The following SMAP2 variants were observed in gnomAD, a reference collection of about 807,000 sequenced individuals.
SMAP2 encodes stromal membrane-associated protein 2.
SMAP2 carries 25 observed loss-of-function variants against 56.4 expected under a neutral mutation model. That is an observed-to-expected ratio of 0.44 (90% CI 0.32 to 0.62). SMAP2 has a LOEUF of 0.62. SMAP2 is among the 20% of genes least tolerant of loss of function. The probability of loss-of-function intolerance (pLI) is 0.04; values close to 1 mark genes in which losing one functional copy is unlikely to be tolerated. For missense variants in SMAP2, 388 were observed against 545.6 expected (o/e 0.71, Z 2.88); for synonymous variants, 157 against 181.7 (o/e 0.86, Z 1.09).
At chr1:40,354,375 C>G (rs1344975417) in intron 1 of SMAP2, among the ~76,000 whole-genome samples, 1 of 152,176 alleles carries the variant, frequency 6.6e-6, no homozygotes, top group Admixed American at 6.6e-5. Context: ...GAGTCTCGCT[C>G]TGTCGCCCAG....
intron 2 of SMAP2, among the ~76,000 whole-genome samples, chr1:40,407,842 G>GT (rs924241108): frequency 3.9e-5 from 6 of 152,186 alleles, no homozygotes; most frequent in Non-Finnish European, 7.4e-5. Context: ...CTTGCATGCT[G>GT]TTAGCTTGGT....
In SMAP2 at chr1:40,374,471, G is replaced by T. The variant is rs907689300; in HGVS notation, c.103+248G>T. ...ATGGTGCGGGTGGAAGTTGCCTGGC[G>T]TGTTCAGGTGAGAATGTCTGTATTT... On this transcript the variant is annotated intron_variant, in intron 1 of 9. Transcript: ENST00000372718. This position sits in a 1 kb window ranked among gnomAD's most constrained non-coding sequence, Gnocchi z 5.9. Among the ~76,000 whole-genome samples the T allele has an allele frequency of 1.4e-4, 21 of 152,036 alleles. No homozygotes were observed. Among genetic ancestry groups the T allele is most frequent in the Non-Finnish European group, 1.5e-4 (10 of 68,008 alleles).
intron 1 of SMAP2, among the ~76,000 whole-genome samples, chr1:40,349,665 C>A (rs1013316856): frequency 4.6e-5 from 7 of 152,022 alleles, no homozygotes; most frequent in Admixed American, 4.6e-4. Context: ...ATTACAGGCA[C>A]GTGCCACCAC....
chr1:40,416,664 A>G (rs1349484295), intron 8 of SMAP2, 116 bp from the exon 9 acceptor site: 1 of 1,076,116 alleles, frequency 9.3e-7, no homozygotes, highest in East Asian at 2.6e-5. Flanking sequence ...TGTAAAGAGC[A>G]TTGTGAGTAG....
intron 1 of SMAP2, among the ~76,000 whole-genome samples, chr1:40,399,593 T>C (rs781403493): frequency 3.3e-5 from 5 of 150,938 alleles, no homozygotes; most frequent in Non-Finnish European, 7.4e-5. Context: ...TCCCAGCTAC[T>C]TGGGAGACTG....
intron 4 of SMAP2, among the ~76,000 whole-genome samples, chr1:40,410,720 T>C (rs1296965708): frequency 2.0e-5 from 3 of 152,130 alleles, no homozygotes; most frequent in Non-Finnish European, 4.4e-5. Context: ...CAGTATATGA[T>C]AACTAGGACA....
chr1:40,399,596 G>T (rs1398855826), intron 1 of SMAP2, among the ~76,000 whole-genome samples: 1 of 150,542 alleles, frequency 6.6e-6, no homozygotes, highest in Non-Finnish European at 1.5e-5. Context: ...CAGCTACTTG[G>T]GAGACTGAGG....
intron 9 of SMAP2, 50 bp from the exon 10 acceptor site, chr1:40,421,926 T>C (rs774150560): frequency 2.5e-6 from 4 of 1,612,410 alleles, no homozygotes; most frequent in Non-Finnish European, 3.4e-6. Flanking sequence ...TTTGCACTAA[T>C]TGGCGGAATG....
chr1:40,374,722 C>T lies in SMAP2; in HGVS notation c.103+499C>T. 6.5e-7 allele frequency: 1 copy of T among 1,550,380 alleles called. No individual in the cohort carries two copies. The highest frequency in any genetic ancestry group is 8.7e-7 in the Non-Finnish European group (1 of 1,146,940). ...TGATTTTTAAAGGTGGTGATTTTTGCTTCCTGCTATTTGGTTAGCAACTCC... is the reference window on the plus strand; with the variant it reads ...TGATTTTTAAAGGTGGTGATTTTTGTTTCCTGCTATTTGGTTAGCAACTCC... On this transcript the variant is annotated intron_variant, in intron 1 of 9. Coordinates refer to ENST00000372718, the MANE Select transcript of SMAP2 (RefSeq NM_022733.3). This position sits in a 1 kb window ranked among gnomAD's most constrained non-coding sequence, Gnocchi z 5.9.
chr1:40,420,999 G>T (rs966946661), intron 9 of SMAP2, among the ~76,000 whole-genome samples: 1 of 150,564 alleles, frequency 6.6e-6, no homozygotes, highest in African/African-American at 2.4e-5. Context: ...CTTATGAGGT[G>T]CCTCCTGACT....
At chr1:40,355,810 A>G (rs1644432836) in intron 1 of SMAP2, among the ~76,000 whole-genome samples, 1 of 152,048 alleles carries the variant, frequency 6.6e-6, no homozygotes, top group African/African-American at 2.4e-5. Flanking sequence ...AGGTCTCACT[A>G]TGTTGCCAAG....
intron 1 of SMAP2, among the ~76,000 whole-genome samples, chr1:40,402,723 C>A (rs1451113367): frequency 6.6e-6 from 1 of 152,188 alleles, no homozygotes; most frequent in East Asian, 1.9e-4. Context: ...TCCGCCTACC[C>A]TTCCTGGCTT....
rs150299380 is a variant in SMAP2, at chr1:40,386,303, A to G, written c.103+12080A>G. ...GAAAGATTAGCTGTTTGGAACAGGG[A>G]TTGACTTTGTCTCTCTGAAAGTAGG... On this transcript the variant is annotated intron_variant, in intron 1 of 9. Transcript: ENST00000372718. The surrounding 1 kb of genome is among the most constrained non-coding windows in gnomAD (Gnocchi z 4.1). 9.1e-4 allele frequency among the ~76,000 whole-genome samples: 139 copies of G among 152,344 alleles called. No individual in the cohort carries two copies. The highest frequency in any genetic ancestry group is 3.2e-3 in the African/African-American group (133 of 41,592).
intron 1 of SMAP2, among the ~76,000 whole-genome samples, chr1:40,361,110 G>A (rs1205288326): frequency 6.6e-6 from 1 of 152,212 alleles, no homozygotes; most frequent in East Asian, 1.9e-4. Context: ...CAAGAGAGGA[G>A]AGAGAAAAGA....
Position 40,409,795 on chromosome 1 carries a change from A to T in SMAP2, c.362A>T (p.Lys121Met), listed in dbSNP as rs1569908576. 6.2e-7 allele frequency: 1 copy of T among 1,613,748 alleles called. No individual in the cohort carries two copies. Among genetic ancestry groups the T allele is most frequent in the East Asian group, 2.2e-5 (1 of 44,888 alleles). The change falls in exon 4 of 10, where the codon AAG becomes ATG. Residue 121 changes from lysine (K) to methionine (M), a missense_variant. Coordinates refer to ENST00000372718, the MANE Select transcript of SMAP2 (RefSeq NM_022733.3). ...TTTATTCGAGACAAATATGAGAAGA[A>T]GAAATACATGGACCGAAGTCTGGAC... is the stretch of plus-strand genomic sequence containing the variant. ...EGFIRDKYEKKKYMDRSLDIN... is the reference protein window; with the variant it reads ...EGFIRDKYEKMKYMDRSLDIN...
At chr1:40,348,604 G>A (rs1004768989) in intron 1 of SMAP2, among the ~76,000 whole-genome samples, 1 of 151,998 alleles carries the variant, frequency 6.6e-6, no homozygotes, top group Non-Finnish European at 1.5e-5. Context: ...TTGAACCCAG[G>A]AGGCAGAGGT....
At chr1:40,402,162 G>T (rs557988653) in intron 1 of SMAP2, among the ~76,000 whole-genome samples, 1 of 152,004 alleles carries the variant, frequency 6.6e-6, no homozygotes, top group South Asian at 2.1e-4. Context: ...TTCCTTGATT[G>T]CCATGACCAA....
chr1:40,393,348 A>G, intron 1 of SMAP2: 1 of 1,532,058 alleles, frequency 6.5e-7, no homozygotes, highest in Non-Finnish European at 8.7e-7. Flanking sequence ...AACAACCACA[A>G]ATGAGTGAGT....
intron 1 of SMAP2, among the ~76,000 whole-genome samples, chr1:40,356,671 A>C (rs1644437994): frequency 6.6e-6 from 1 of 152,018 alleles, no homozygotes; most frequent in Non-Finnish European, 1.5e-5. Flanking sequence ...TGGCCTCCCA[A>C]AGTGCTGGGA....
Sources: gnomAD v4.1 joint callset for allele counts (sites outside exome capture counted in the v4.1 genomes callset) on GRCh38, gnomAD v4.1.1 for gene constraint, Gnocchi (gnomAD v3.1) non-coding constraint, MANE v1.5 for transcripts, NCBI Gene and HGNC (gene_info 2026-07-23, HGNC 2026-07-21) for gene names.